Variants in POLR3D observed in about 807,000 individuals in gnomAD.
POLR3D encodes the protein DNA-directed RNA polymerase III subunit RPC4.
In POLR3D, 42 loss-of-function variants were observed where a neutral mutation model predicts 44.5. The ratio of observed to expected loss-of-function variants is 0.94; its 90% CI spans 0.74 to 1.22. The LOEUF is 1.22. Among genes scored for constraint, POLR3D ranks in the 50% most tolerant of loss-of-function variants. The probability of loss-of-function intolerance (pLI) is 0.00; values close to 1 mark genes in which losing one functional copy is unlikely to be tolerated. For missense variants in POLR3D, 507 were observed against 505.2 expected (o/e 1.00, Z -0.03); for synonymous variants, 217 against 198.1 (o/e 1.10, Z -0.80).
chr8:22,247,738 TG>T, intron 3 of POLR3D, 118 bp from the exon 4 acceptor site: 1 of 873,306 alleles, frequency 1.1e-6, no homozygotes, highest in Non-Finnish European at 1.8e-6. Context: ...CTGCTTCTCA[TG>T]GTGTAAATAT....
In POLR3D at chr8:22,251,505, C is replaced by T. The variant is rs118128047; in HGVS notation, c.*987C>T. The stretch of plus-strand genomic sequence containing the variant: ...TTGCAGTTAGTACTCATGTATGAGC[C>T]GAAGTCATATATTGCTAACAAAAAA... On this transcript the variant is annotated 3_prime_UTR_variant, in exon 9 of 9. Transcript: ENST00000306433. The T allele has an allele frequency of 0.048, 7,399 of 153,796 alleles. 280 individuals carry two copies. The highest frequency in any genetic ancestry group is 0.084 in the Admixed American group (1,287 of 15,294). The allele number at this position is 153,796 out of a possible 1,614,324, so 9.5% of individuals were successfully genotyped here.
At position 22,250,149 on chromosome 8, in the gene POLR3D, C is replaced by T. The variant is rs1006895481; in HGVS notation, c.996C>T (p.Arg332=). The change falls in exon 8 of 9, where the codon CGC becomes CGT. Residue 332 remains arginine, a synonymous_variant. Coordinates refer to ENST00000306433, the MANE Select transcript of POLR3D (RefSeq NM_001722.3). ...GTCAGGTTGGCAAGCTACTCATCCGCAAGTCTGGAAGGGTGCAACTCCTCT... is the reference window on the plus strand; with the variant it reads ...GTCAGGTTGGCAAGCTACTCATCCGTAAGTCTGGAAGGGTGCAACTCCTCT... ...TEGQVGKLLI[R]KSGRVQLLLG... 1.9e-6 allele frequency: 3 copies of T among 1,614,100 alleles called. No homozygotes were observed. The highest frequency in any genetic ancestry group is 4.5e-5 in the East Asian group (2 of 44,870).
chr8:22,245,709 G>T (rs1289052366), intron 2 of POLR3D, 95 bp downstream of exon 2: 2 of 909,968 alleles, frequency 2.2e-6, no homozygotes, highest in Non-Finnish European at 2.9e-6. Flanking sequence ...TGTGTGTCAG[G>T]ACTGTCGTTG....
chr8:22,250,257 C>T (rs1328724880), intron 8 of POLR3D, 30 bp downstream of exon 8: 1 of 1,613,462 alleles, frequency 6.2e-7, no homozygotes, highest in Admixed American at 1.7e-5. Context: ...CAAGGAGGGA[C>T]CCTTTCAGGA....
chr8:22,248,443 G>A (rs376580338), intron 5 of POLR3D, 38 bp from the exon 6 acceptor site: 9 of 1,606,024 alleles, frequency 5.6e-6, no homozygotes, highest in Non-Finnish European at 7.7e-6. Context: ...CCAGGTGCAT[G>A]TGCTAGCAGG....
At position 22,250,179 on chromosome 8, in the gene POLR3D, CA is replaced by C; in HGVS notation, c.1028del (p.Lys343ArgfsTer2). The C allele has an allele frequency of 6.2e-7, 1 of 1,614,180 alleles. No homozygotes were observed. Among genetic ancestry groups the C allele is most frequent in the Non-Finnish European group, 8.5e-7 (1 of 1,180,026 alleles). ...KSGRVQLLLG[K>X]VTLDVTMGTA... The stretch of plus-strand genomic sequence containing the variant: ...CTGGAAGGGTGCAACTCCTCTTGGG[CA>C]AGGTGACTCTGGACGTGACCATGGG... On this transcript the variant is annotated frameshift_variant, in exon 8 of 9. Transcript: ENST00000306433. LOFTEE classifies it high-confidence loss of function.
rs1277757306 is a variant in POLR3D, at chr8:22,248,143, A to G, written c.362-11A>G. The G allele has an allele frequency of 1.2e-6, 2 of 1,613,714 alleles. No individual in the cohort carries two copies. Among genetic ancestry groups the G allele is most frequent in the Admixed American group, 3.3e-5 (2 of 59,892 alleles). ...TTATCGATCCCTAGTGACCTGGGTG[A>G]TTTCCCACAGGGAACTGGGATAAGA... On this transcript the variant is annotated splice_polypyrimidine_tract_variant and intron_variant, in intron 4 of 8. Transcript: ENST00000306433.
chr8:22,250,082 A>T lies in POLR3D; in HGVS notation c.929A>T (p.Lys310Ile). 1 of 1,614,042 alleles carries T rather than the reference A, an allele frequency of 6.2e-7. No homozygotes were observed. The highest frequency in any genetic ancestry group is 8.5e-7 in the Non-Finnish European group (1 of 1,180,004). The change falls in exon 8 of 9, where the codon AAA (lysine) becomes ATA (isoleucine). Residue 310 changes from lysine to isoleucine, a missense_variant. Transcript: ENST00000306433. Reference sequence around the variant, plus strand: ...CTCTGGTTTTCTCCGCAGGAAGCCAAATTGGCAGAGAATGCTTGTACCCTG... The same window carrying T: ...CTCTGGTTTTCTCCGCAGGAAGCCATATTGGCAGAGAATGCTTGTACCCTG... Reference protein sequence around the residue: ...LIKQEKDREAKLAENACTLAD... With the variant: ...LIKQEKDREAILAENACTLAD...
intron 5 of POLR3D, 23 bp from the exon 6 acceptor site, chr8:22,248,458 A>C (rs750053996): frequency 3.7e-6 from 6 of 1,610,856 alleles, no homozygotes; most frequent in Non-Finnish European, 4.2e-6. Flanking sequence ...AGCAGGCTGG[A>C]TGACCCAGAC....
Position 22,245,166 on chromosome 8 carries a change from C to CG in POLR3D, c.-21dup. On this transcript the variant is annotated 5_prime_UTR_variant, in exon 1 of 9. Coordinates refer to ENST00000306433, the MANE Select transcript of POLR3D (RefSeq NM_001722.3). ...GCCCGGCGCGGAGACCGAAGGCTGG[C>CG]GGCTGGTCGCGTTGCAGGTGAGGTT... 1.7e-6 allele frequency: 1 copy of CG among 582,648 alleles called. No individual in the cohort carries two copies. The highest frequency in any genetic ancestry group is 3.2e-6 in the Non-Finnish European group (1 of 308,962). 36.1% of individuals were successfully genotyped at this position (582,648 alleles called of 1,614,324 possible). A position where few individuals can be genotyped will look rare whatever the true frequency, so the allele number is the denominator to read the frequency against.
In POLR3D at chr8:22,250,750, G is replaced by A. The variant is rs191152076; in HGVS notation, c.*232G>A. 10 of 556,694 alleles carry A rather than the reference G, an allele frequency of 1.8e-5. No individual in the cohort carries two copies. The East Asian group carries it at 2.2e-4, about 12-fold the overall frequency. The allele number at this position is 556,694 out of a possible 1,614,324, so 34.5% of individuals were successfully genotyped here. The stretch of plus-strand genomic sequence containing the variant: ...TCCTTGCTGCTGGGGACTTGGCCCT[G>A]CTATTTATTTTTGTATTTATGTCTT... On this transcript the variant is annotated 3_prime_UTR_variant, in exon 9 of 9. Coordinates refer to ENST00000306433, the MANE Select transcript of POLR3D (RefSeq NM_001722.3).
At chr8:22,245,403 T>C in intron 1 of POLR3D, 42 bp from the exon 2 acceptor site, 2 of 1,306,056 alleles carry the variant, frequency 1.5e-6, no homozygotes, top group Non-Finnish European at 2.0e-6. Flanking sequence ...AGGGTCCGCG[T>C]GTCAGTCCCC....
chr8:22,249,161 T>C lies in POLR3D; in HGVS notation c.773T>C (p.Leu258Pro), dbSNP rs1244808259. 6.2e-7 allele frequency: 1 copy of C among 1,613,978 alleles called. No homozygotes were observed. Among genetic ancestry groups the C allele is most frequent in the African/African-American group, 1.3e-5 (1 of 74,904 alleles). Residue 258 changes from leucine (L) to proline (P), a missense_variant, in exon 7 of 9, where the codon CTG becomes CCG. By Grantham distance (98) the Leu-to-Pro change is moderately conservative. Coordinates refer to ENST00000306433, the MANE Select transcript of POLR3D (RefSeq NM_001722.3). ...TCTGTGGCAGAGCTGCTGAGGGAGC[T>C]GAGCCTCACCAAGGAAGAGGAACTG... ...DVSVAELLRE[L>P]SLTKEEELLF...
At chr8:22,245,976 G>A (rs1830036615) in intron 2 of POLR3D, among the ~76,000 whole-genome samples, 1 of 152,206 alleles carries the variant, frequency 6.6e-6, no homozygotes, top group South Asian at 2.1e-4. Context: ...CACCATCTCT[G>A]TGTGCAAACT....
rs1045136815 is a variant in POLR3D at position 22,248,737 on chromosome 8, A to G, written c.655+88A>G. 5.3e-6 allele frequency: 7 copies of G among 1,318,146 alleles called. No homozygotes were observed. In the African/African-American group the frequency reaches 1.0e-4, roughly 19 times the overall value. 81.7% of individuals were successfully genotyped at this position (1,318,146 alleles called of 1,614,324 possible). On this transcript the variant is annotated intron_variant, in intron 6 of 8. Transcript: ENST00000306433. ...CAGGCATCCCTTGCATGTGCCCCTG[A>G]CTGCTGCTCGTGAGCAGGTCCTCCC...
chr8:22,247,073 A>T, intron 2 of POLR3D, 148 bp from the exon 3 acceptor site: 1 of 593,862 alleles, frequency 1.7e-6, no homozygotes, highest in Non-Finnish European at 3.0e-6. Context: ...GCACATGTGT[A>T]TCTATAAAAC....
chr8:22,248,246 A>G lies in POLR3D; in HGVS notation c.454A>G (p.Lys152Glu), dbSNP rs756501003. The G allele has an allele frequency of 1.2e-6, 2 of 1,614,182 alleles. No individual in the cohort carries two copies. The highest frequency in any genetic ancestry group is 1.7e-6 in the Non-Finnish European group (2 of 1,180,034). ...GAAGAGAGAGACAGACGAAGAAACT[A>G]AACAGATCTTGCGTATGCTGGAGAA... ...KEKRETDEET[K>E]QILRMLEKDD... Residue 152 changes from lysine (K) to glutamate (E), a missense_variant, in exon 5 of 9, where the codon AAA (lysine) becomes GAA (glutamate). Coordinates refer to ENST00000306433, the MANE Select transcript of POLR3D (RefSeq NM_001722.3).
Position 22,248,559 on chromosome 8 carries a change from T to G in POLR3D, c.565T>G (p.Phe189Val). ...GCCGCTGGCTCACTCAGGATGGCTT[T>G]TTAAGGAAGAAAATGACGAACCAGA... ...QLPLAHSGWL[F>V]KEENDEPDVK... is the part of the protein sequence containing the mutation. The change falls in exon 6 of 9, where the codon TTT (phenylalanine) becomes GTT (valine). Residue 189 changes from phenylalanine (F) to valine (V), a missense_variant. Physicochemically the swap from Phe to Val is conservative, Grantham distance 50. Coordinates refer to ENST00000306433, the MANE Select transcript of POLR3D (RefSeq NM_001722.3). 1 of 1,614,162 alleles carries G rather than the reference T, an allele frequency of 6.2e-7. No homozygotes were observed. The highest frequency in any genetic ancestry group is 8.5e-7 in the Non-Finnish European group (1 of 1,180,020).
At chr8:22,250,046 C>G (rs1235491278) in intron 7 of POLR3D, 29 bp from the exon 8 acceptor site, 7 of 1,612,636 alleles carry the variant, frequency 4.3e-6, no homozygotes, top group Non-Finnish European at 4.2e-6. Flanking sequence ...GCTCCTAGCC[C>G]AGTGTCCATC....
Sources: gnomAD v4.1 joint callset for allele counts (sites outside exome capture counted in the v4.1 genomes callset) on GRCh38, gnomAD v4.1.1 for gene constraint, MANE v1.5 for transcripts, NCBI Gene and HGNC (gene_info 2026-07-23, HGNC 2026-07-21) for gene names.